ITPRID1: variants seen among roughly 807,000 people sequenced by gnomAD.
ITPRID1 encodes ITPR interacting domain containing 1.
Under a neutral mutation model 95.4 loss-of-function variants are expected in ITPRID1, and 96 were observed. The observed-to-expected ratio is 1.01, with a 90% CI of 0.85 to 1.19. The LOEUF is 1.19. Ranked by LOEUF, ITPRID1 falls within the 50% of genes most tolerant of loss-of-function variation. The pLI is 0.00. For synonymous variants in ITPRID1, 510 were observed against 453.6 expected (o/e 1.12, Z -1.58); for missense variants, 1,339 against 1,252.9 (o/e 1.07, Z -1.04).
chr7:31,616,913 T>C (rs1358715964), intron 10 of ITPRID1, among the ~76,000 whole-genome samples: 2 of 152,174 alleles, frequency 1.3e-5, no homozygotes, highest in African/African-American at 4.8e-5. Context: ...TCTTGGTGGT[T>C]TGTGGGAATG....
intron 10 of ITPRID1, among the ~76,000 whole-genome samples, chr7:31,621,011 TG>T (rs1484183850): frequency 6.6e-6 from 1 of 151,680 alleles, no homozygotes; most frequent in Non-Finnish European, 1.5e-5. Flanking sequence ...GTATCAGTGA[TG>T]GAAGATGAAA....
intron 12 of ITPRID1, among the ~76,000 whole-genome samples, chr7:31,647,653 AAC>A (rs1322536660): frequency 4.2e-5 from 6 of 141,568 alleles, no homozygotes; most frequent in Non-Finnish European, 7.5e-5. Context: ...CAGCCTGAGC[AAC>A]AGAGAGAGTC....
rs532122908 is a variant in ITPRID1, at chr7:31,529,856, T to C, written c.-98+15736T>C. 29 of 1,505,928 alleles carry C rather than the reference T, an allele frequency of 1.9e-5. No individual in the cohort carries two copies. In the African/African-American group the frequency reaches 3.6e-4, roughly 19 times the overall value. The allele number at this position is 1,505,928 out of a possible 1,614,324, so 93.3% of individuals were successfully genotyped here. Reference sequence around the variant, plus strand: ...AACTCTTATAATTTGTTTTTTTTCTTTTAATCCAGCCTGTTGGGGAGGGGT... The same window carrying C: ...AACTCTTATAATTTGTTTTTTTTCTCTTAATCCAGCCTGTTGGGGAGGGGT... On this transcript the variant is annotated intron_variant, in intron 1 of 14. Transcript: ENST00000615280.
rs1791056825 is a variant in ITPRID1 at position 31,652,553 on chromosome 7, CTA to C, written c.2861_2862del (p.Tyr954PhefsTer7). 1.2e-6 allele frequency: 2 copies of C among 1,608,286 alleles called. No individual in the cohort carries two copies. Among genetic ancestry groups the C allele is most frequent in the African/African-American group, 2.7e-5 (2 of 74,836 alleles). ...EVLTAEPPEHYSNLHQYNWIE... is the reference protein window; with the variant it reads ...EVLTAEPPEHXSNLHQYNWIE... ...TTCTCACAGCAGAGCCACCTGAACA[CTA>C]TTCAAATCTGCATCAATATAACTGG... On this transcript the variant is annotated frameshift_variant, in exon 15 of 15. Coordinates refer to ENST00000615280, the MANE Select transcript of ITPRID1 (RefSeq NM_001257967.3). LOFTEE classifies it low-confidence loss of function (END_TRUNC).
intron 1 of ITPRID1, among the ~76,000 whole-genome samples, chr7:31,516,909 T>C (rs1783060136): frequency 1.3e-5 from 2 of 152,148 alleles, no homozygotes; most frequent in Admixed American, 1.3e-4. Flanking sequence ...GTGTCCAGAG[T>C]TTGTCCCTTC....
Position 31,643,358 on chromosome 7 carries a change from T to C in ITPRID1, c.1988T>C (p.Leu663Pro). Residue 663 changes from leucine (L) to proline (P), a missense_variant, in exon 12 of 15, where the codon CTC (leucine) becomes CCC (proline). Leu to Pro is a moderately conservative substitution (Grantham distance 98). Coordinates refer to ENST00000615280, the MANE Select transcript of ITPRID1 (RefSeq NM_001257967.3). ...ATDLAQTSEK[L>P]IPHLHKLPGD... ...GACCTTGCTCAAACATCTGAAAAGC[T>C]CATTCCCCACCTCCATAAACTGCCT... The C allele has an allele frequency of 6.2e-7, 1 of 1,613,934 alleles. No homozygotes were observed. Among genetic ancestry groups the C allele is most frequent in the Non-Finnish European group, 8.5e-7 (1 of 1,179,880 alleles).
chr7:31,562,898 C>T (rs1172103520), intron 5 of ITPRID1, among the ~76,000 whole-genome samples: 2 of 152,184 alleles, frequency 1.3e-5, no homozygotes, highest in African/African-American at 4.8e-5. Flanking sequence ...GACTTCTGCA[C>T]TGATACTGAA....
chr7:31,651,849 AAAGG>A (rs1474887455), intron 13 of ITPRID1, 86 bp from the exon 14 acceptor site: 2 of 842,568 alleles, frequency 2.4e-6, no homozygotes, highest in Admixed American at 2.5e-5. Context: ...AAGAAATTGC[AAAGG>A]AAGAACCTAT....
intron 1 of ITPRID1, chr7:31,518,333 G>C (rs1248242543): frequency 6.6e-6 from 1 of 152,222 alleles, no homozygotes; most frequent in African/African-American, 2.4e-5. Flanking sequence ...TTCCAGGACC[G>C]TAAGGTAATA....
intron 10 of ITPRID1, among the ~76,000 whole-genome samples, chr7:31,615,752 CT>C (rs11324820): frequency 0.81 from 116,139 of 143,390 alleles, 47,318 homozygotes; most frequent in East Asian, 0.97. Context: ...ACTGAGAATT[CT>C]TTTTTTTTTT....
rs374464304 is a variant in ITPRID1 at position 31,652,732 on chromosome 7, C to A, written c.3038C>A (p.Thr1013Asn). The change falls in exon 15 of 15, where the codon ACC (threonine) becomes AAC (asparagine). Residue 1013 changes from threonine to asparagine, a missense_variant. By Grantham distance (65) the Thr-to-Asn change is moderately conservative. Coordinates refer to ENST00000615280, the MANE Select transcript of ITPRID1 (RefSeq NM_001257967.3). The part of the protein sequence containing the change: ...AFTPPTLENS[T>N]RMSPSSSAWA... The stretch of plus-strand genomic sequence containing the variant: ...ACTCCACCCACCTTGGAGAACAGCA[C>A]CAGGATGTCTCCTTCATCATCAGCT... 1 of 1,613,812 alleles carries A rather than the reference C, an allele frequency of 6.2e-7. No homozygotes were observed. The highest frequency in any genetic ancestry group is 1.3e-5 in the African/African-American group (1 of 74,946).
At chr7:31,539,031 C>T (rs1295788029) in intron 1 of ITPRID1, among the ~76,000 whole-genome samples, 1 of 152,172 alleles carries the variant, frequency 6.6e-6, no homozygotes, top group Non-Finnish European at 1.5e-5. Flanking sequence ...TTCTTTGTCA[C>T]ATTGAGTAAT....
intron 10 of ITPRID1, among the ~76,000 whole-genome samples, chr7:31,635,656 T>C (rs1164606424): frequency 1.3e-5 from 2 of 152,190 alleles, no homozygotes; most frequent in Non-Finnish European, 2.9e-5. Context: ...ACCAGTGTAT[T>C]AGGCCGTTCT....
At chr7:31,571,833 G>C (rs568917710) in intron 6 of ITPRID1, among the ~76,000 whole-genome samples, 8 of 152,292 alleles carry the variant, frequency 5.3e-5, no homozygotes, top group African/African-American at 1.9e-4. Flanking sequence ...TATGCCATCT[G>C]TCAAAAGTGA....
intron 10 of ITPRID1, among the ~76,000 whole-genome samples, chr7:31,616,587 T>C (rs1355226726): frequency 2.6e-5 from 4 of 152,170 alleles, no homozygotes; most frequent in Admixed American, 2.0e-4. Context: ...TTTCATCATC[T>C]CATTGATTCC....
intron 10 of ITPRID1, among the ~76,000 whole-genome samples, chr7:31,605,119 C>T (rs1159286410): frequency 7.1e-6 from 1 of 141,640 alleles, no homozygotes; most frequent in African/African-American, 2.7e-5. Flanking sequence ...GCCTGGGTGA[C>T]AGAGGGAGAC....
At position 31,652,780 on chromosome 7, in the gene ITPRID1, C is replaced by T. The variant is rs764974761; in HGVS notation, c.3086C>T (p.Pro1029Leu). Residue 1029 changes from proline (P) to leucine (L), a missense_variant, in exon 15 of 15, where the codon CCT becomes CTT. Physicochemically the swap from Pro to Leu is moderately conservative, Grantham distance 98. Coordinates refer to ENST00000615280, the MANE Select transcript of ITPRID1 (RefSeq NM_001257967.3). ...SSAWAKLGPT[P>L]LSNCPVGEKD... Reference sequence around the variant, plus strand: ...GCTTGGGCAAAGTTAGGTCCAACCCCTTTGTCAAATTGTCCTGTTGGAGAA... The same window carrying T: ...GCTTGGGCAAAGTTAGGTCCAACCCTTTTGTCAAATTGTCCTGTTGGAGAA... 1 of 1,613,834 alleles carries T rather than the reference C, an allele frequency of 6.2e-7. No individual in the cohort carries two copies. Among genetic ancestry groups the T allele is most frequent in the Non-Finnish European group, 8.5e-7 (1 of 1,179,798 alleles).
intron 10 of ITPRID1, among the ~76,000 whole-genome samples, chr7:31,609,861 G>C (rs1786788627): frequency 6.6e-6 from 1 of 151,016 alleles, no homozygotes; most frequent in South Asian, 2.1e-4. Flanking sequence ...TGTAGTTTAA[G>C]GTAAGAGGTT....
intron 1 of ITPRID1, among the ~76,000 whole-genome samples, chr7:31,525,087 A>G (rs1467775167): frequency 6.6e-6 from 1 of 152,206 alleles, no homozygotes; most frequent in Non-Finnish European, 1.5e-5. Context: ...GACTCAATCA[A>G]GTTTACAGGC....
Sources: allele counts gnomAD v4.1 joint callset (sites outside exome capture counted in the v4.1 genomes callset), GRCh38; gene constraint gnomAD v4.1.1; transcripts MANE v1.5; gene names NCBI Gene and HGNC (gene_info 2026-07-23, HGNC 2026-07-21).